The following MCM7 variants were observed in gnomAD, a reference collection of about 807,000 sequenced individuals.
The protein encoded by MCM7 is DNA replication licensing factor MCM7.
In MCM7, 95 loss-of-function variants were observed where a neutral mutation model predicts 83.5. That is an observed-to-expected ratio of 1.14 (90% CI 0.96 to 1.35). The LOEUF is 1.35. Ranked by LOEUF, MCM7 falls within the 40% of genes most tolerant of loss-of-function variation. The probability of loss-of-function intolerance (pLI) is 0.00; values close to 1 mark genes in which losing one functional copy is unlikely to be tolerated. For missense variants in MCM7, 1,087 were observed against 957.4 expected, an observed-to-expected ratio of 1.14 and a Z score of -1.79; for synonymous variants, 461 against 352.7, an observed-to-expected ratio of 1.31 and a Z score of -3.44.
chr7:100,100,307 A>T (rs1021921215), intron 1 of MCM7: 1 of 1,292,490 alleles, frequency 7.7e-7, no homozygotes, highest in Non-Finnish European at 9.9e-7. Flanking sequence ...GGGCCATCCA[A>T]CATCTCCCCA....
chr7:100,100,417 A>T (rs1259799274), intron 1 of MCM7: 1 of 1,034,910 alleles, frequency 9.7e-7, no homozygotes, highest in African/African-American at 1.7e-5. Flanking sequence ...TTCCACCCCT[A>T]TGATCCCCCG....
In MCM7 at chr7:100,099,124, C is replaced by A. The variant is rs780124484; in HGVS notation, c.481G>T (p.Val161Leu). 18 of 1,614,062 alleles carry A rather than the reference C, an allele frequency of 1.1e-5. No individual in the cohort carries two copies. Among genetic ancestry groups the A allele is most frequent in the African/African-American group, 9.3e-5 (7 of 74,904 alleles). The part of the protein sequence containing the change: ...EVRADSVGKL[V>L]TVRGIVTRVS... ...CGAGTGACGATTCCACGCACAGTTA[C>A]CAACTTCCCCACAGAGTCAGCCCGC... Residue 161 changes from valine to leucine, a missense_variant, in exon 5 of 15, where the codon GTA becomes TTA. Transcript: ENST00000303887.
At chr7:100,100,871 G>C (rs1036323420) in intron 1 of MCM7, 6 of 1,036,330 alleles carry the variant, frequency 5.8e-6, no homozygotes, top group Non-Finnish European at 7.0e-6. Flanking sequence ...CGGGGCCTAC[G>C]CGCGCCTGGG....
At chr7:100,097,053 A>G (rs745590640) in intron 10 of MCM7, among the ~76,000 whole-genome samples, 7 of 152,228 alleles carry the variant, frequency 4.6e-5, no homozygotes, top group South Asian at 2.1e-4. Context: ...GTGAACCGAG[A>G]TAGCGCCACT....
In MCM7 at chr7:100,096,688, T is replaced by C. The variant is rs182064752; in HGVS notation, c.1202-521A>G. ...TACTCGGGAGGCCGAAGCAGGAGAA[T>C]TGCTTGAACCTGGGAGGCAGAGGTT... On this transcript the variant is annotated intron_variant, in intron 10 of 14. Transcript: ENST00000303887. Among the ~76,000 whole-genome samples the C allele has an allele frequency of 1.9e-3, 288 of 151,646 alleles. 6 individuals carry two copies. The East Asian group carries it at 0.036, about 19-fold the overall frequency.
intron 13 of MCM7, chr7:100,093,645 G>A: frequency 1.3e-6 from 1 of 743,126 alleles, no homozygotes. Flanking sequence ...ACACTGGCCA[G>A]TCCCGGAGTT....
At position 100,099,748 on chromosome 7, in the gene MCM7, C is replaced by T; in HGVS notation, c.117G>A (p.Arg39=). 1 of 1,613,702 alleles carries T rather than the reference C, an allele frequency of 6.2e-7. No individual in the cohort carries two copies. The highest frequency in any genetic ancestry group is 8.5e-7 in the Non-Finnish European group (1 of 1,179,912). The change falls in exon 3 of 15, where the codon CGG becomes CGA. Residue 39 remains arginine, a synonymous_variant. Transcript: ENST00000303887. ...GAGCCACCTGTTCCCGATGAGCCAG[C>T]CGAACCTCAAGTGGGGAAGAGACAG... ...KQFKYGNQLV[R]LAHREQVALY... is the part of the protein sequence containing the mutation.
Position 100,094,335 on chromosome 7 carries a change from G to T in MCM7, c.1686C>A (p.Tyr562Ter). 2 of 1,614,062 alleles carry T rather than the reference G, an allele frequency of 1.2e-6. No homozygotes were observed. The highest frequency in any genetic ancestry group is 8.5e-7 in the Non-Finnish European group (1 of 1,180,036). Reference sequence around the variant, plus strand: ...GCTGCTTCTCGCGGCACATGGCTATGTAACGCCTGTGGGGGAAGGTTCATG... The same window carrying T: ...GCTGCTTCTCGCGGCACATGGCTATTTAACGCCTGTGGGGGAAGGTTCATG... ...EPLDMKLMRRYIAMCREKQPM... is the reference protein window; with the variant it reads ...EPLDMKLMRR Residue 562 changes from tyrosine (Y) to a stop codon, truncating the protein, a stop_gained, in exon 13 of 15, where the codon TAC becomes TAA. Transcript: ENST00000303887. LOFTEE classifies it high-confidence loss of function.
chr7:100,092,898 A>G lies in MCM7; in HGVS notation c.*34T>C, dbSNP rs1238065630. 6.2e-7 allele frequency: 1 copy of G among 1,611,444 alleles called. No individual in the cohort carries two copies. Among genetic ancestry groups the G allele is most frequent in the South Asian group, 1.1e-5 (1 of 91,018 alleles). ...TTCCCAAGGGGCAGGCCAGCAGGGAACAAGAGGACCCCAGGGTTGCAAGCA... is the reference window on the plus strand; with the variant it reads ...TTCCCAAGGGGCAGGCCAGCAGGGAGCAAGAGGACCCCAGGGTTGCAAGCA... On this transcript the variant is annotated 3_prime_UTR_variant, in exon 15 of 15. Transcript: ENST00000303887.
At chr7:100,099,796 C>G in intron 2 of MCM7, 43 bp from the exon 3 acceptor site, 2 of 1,607,478 alleles carry the variant, frequency 1.2e-6, no homozygotes, top group African/African-American at 2.7e-5. Flanking sequence ...GCCACATTCA[C>G]TTTGCTCACC....
intron 6 of MCM7, 102 bp from the exon 7 acceptor site, chr7:100,098,392 G>A (rs1795758718): frequency 6.6e-7 from 1 of 1,517,230 alleles, no homozygotes; most frequent in Non-Finnish European, 9.0e-7. Flanking sequence ...CCCAGCCACA[G>A]ACAAGCCCAC....
chr7:100,099,184 G>T lies in MCM7; in HGVS notation c.421C>A (p.Pro141Thr). 1 of 1,613,962 alleles carries T rather than the reference G, an allele frequency of 6.2e-7. No homozygotes were observed. Among genetic ancestry groups the T allele is most frequent in the Non-Finnish European group, 8.5e-7 (1 of 1,179,996 alleles). ...MRRFELYFQG[P>T]SSNKPRVIRE... ...ATCACACGAGGCTTGTTGCTGCTAG[G>T]GCCTTGAAAATACAGCTCACTAAGG... Residue 141 changes from proline (P) to threonine (T), a missense_variant, in exon 5 of 15, where the codon CCT becomes ACT. Transcript: ENST00000303887.
At chr7:100,100,128 C>T (rs369477703) in intron 1 of MCM7, 35 bp from the exon 2 acceptor site, 193 of 1,608,592 alleles carry the variant, frequency 1.2e-4, no homozygotes, top group Non-Finnish European at 1.6e-4. Context: ...AAGACACAAA[C>T]TTTAAGACAA....
chr7:100,094,043 A>T (rs374809849), intron 13 of MCM7, 130 bp downstream of exon 13: 1 of 1,144,910 alleles, frequency 8.7e-7, no homozygotes, highest in Non-Finnish European at 1.3e-6. Flanking sequence ...GAGGACCACT[A>T]TCTGCACTGT....
At chr7:100,095,665 G>A in intron 11 of MCM7, 109 bp downstream of exon 11, 1 of 1,429,416 alleles carries the variant, frequency 7.0e-7, no homozygotes, top group Non-Finnish European at 9.4e-7. Context: ...CTGCAAAGGG[G>A]AGGCTCTGGG....
At position 100,097,956 on chromosome 7, in the gene MCM7, A is replaced by G. The variant is rs755117569; in HGVS notation, c.871-8T>C. ...GGTTTCTGAGAGTAAACCCTTGGGCAGGAAAATGCCAGGATACAGATGTAA... is the reference window on the plus strand; with the variant it reads ...GGTTTCTGAGAGTAAACCCTTGGGCGGGAAAATGCCAGGATACAGATGTAA... On this transcript the variant is annotated splice_polypyrimidine_tract_variant and splice_region_variant and intron_variant, in intron 7 of 14. Transcript: ENST00000303887. 1 of 1,612,908 alleles carries G rather than the reference A, an allele frequency of 6.2e-7. No individual in the cohort carries two copies. Among genetic ancestry groups the G allele is most frequent in the South Asian group, 1.1e-5 (1 of 91,024 alleles).
chr7:100,093,383 C>A lies in MCM7; in HGVS notation c.1867G>T (p.Asp623Tyr). 1 of 1,614,152 alleles carries A rather than the reference C, an allele frequency of 6.2e-7. No individual in the cohort carries two copies. Among genetic ancestry groups the A allele is most frequent in the South Asian group, 1.1e-5 (1 of 91,084 alleles). Reference sequence around the variant, plus strand: ...TTCACATCTTCTTTCTCCACCACATCCACCATTCTCAGACGTGCCTAAGGG... The same window carrying A: ...TTCACATCTTCTTTCTCCACCACATACACCATTCTCAGACGTGCCTAAGGG... ...STALARLRMV[D>Y]VVEKEDVNEA... The change falls in exon 14 of 15, where the codon GAT (aspartate) becomes TAT (tyrosine). Residue 623 changes from aspartate (D) to tyrosine (Y), a missense_variant. Coordinates refer to ENST00000303887, the MANE Select transcript of MCM7 (RefSeq NM_005916.5).
chr7:100,100,007 G>C lies in MCM7; in HGVS notation c.111+7C>G. On this transcript the variant is annotated splice_region_variant and intron_variant, in intron 2 of 14. Coordinates refer to ENST00000303887, the MANE Select transcript of MCM7 (RefSeq NM_005916.5). ...TCCCCATTCCCTTTACCCAATCTTA[G>C]ACTTACCAACTGGTTCCCATACTTG... 6.2e-7 allele frequency: 1 copy of C among 1,612,990 alleles called. No homozygotes were observed. The highest frequency in any genetic ancestry group is 8.5e-7 in the Non-Finnish European group (1 of 1,179,046).
intron 1 of MCM7, chr7:100,100,553 G>C (rs889435870): frequency 3.0e-6 from 3 of 992,540 alleles, no homozygotes; most frequent in Non-Finnish European, 3.6e-6. Context: ...CATGGGCCCG[G>C]ATTCCAGCCG....
Sources: allele counts gnomAD v4.1 joint callset (sites outside exome capture counted in the v4.1 genomes callset), GRCh38; gene constraint gnomAD v4.1.1; transcripts MANE v1.5; gene names NCBI Gene and HGNC (gene_info 2026-07-23, HGNC 2026-07-21).